IL1RAPL2: variants seen among roughly 807,000 people sequenced by gnomAD.
The protein encoded by IL1RAPL2 is interleukin 1 receptor accessory protein like 2, also known as X-linked interleukin-1 receptor accessory protein-like 2.
Under a neutral mutation model 44.1 loss-of-function variants are expected in IL1RAPL2, and 3 were observed. The observed-to-expected ratio is 0.07, with a 90% CI of 0.03 to 0.18. IL1RAPL2 has a LOEUF of 0.18. IL1RAPL2 is among the 10% of genes least tolerant of loss of function. The pLI, the probability that IL1RAPL2 is intolerant of heterozygous loss-of-function variation, is 1.00. For synonymous variants in IL1RAPL2, 181 were observed against 178.8 expected, an observed-to-expected ratio of 1.01 and a Z score of -0.10; for missense variants, 391 against 496.4, an observed-to-expected ratio of 0.79 and a Z score of 2.02.
chrX:105,604,484 CA>C (rs1325253652), intron 6 of IL1RAPL2, among the ~76,000 whole-genome samples: 1 of 107,754 alleles, frequency 9.3e-6, no homozygotes, highest in African/African-American at 3.4e-5. Context: ...CAATAAAGAG[CA>C]AAAAGACCAA....
At chrX:105,268,382 G>C (rs1166902492) in intron 5 of IL1RAPL2, among the ~76,000 whole-genome samples, 1 of 111,498 alleles carries the variant, frequency 9.0e-6, no homozygotes, top group Non-Finnish European at 1.9e-5. Flanking sequence ...GGGGAATAAG[G>C]AGTGTAGGTC....
intron 2 of IL1RAPL2, among the ~76,000 whole-genome samples, chrX:104,668,658 A>G (rs1248780183): frequency 9.6e-6 from 1 of 104,594 alleles, no homozygotes; most frequent in Non-Finnish European, 2.0e-5. Context: ...GCTTATTTGT[A>G]TCTTCAGCTT....
chrX:104,632,077 A>T (rs1220520500), intron 1 of IL1RAPL2, among the ~76,000 whole-genome samples: 1 of 111,652 alleles, frequency 9.0e-6, no homozygotes, highest in East Asian at 2.8e-4. Context: ...CAGTTTTCCC[A>T]GCACCATTTA....
At chrX:104,633,138 T>C (rs1929694713) in intron 1 of IL1RAPL2, among the ~76,000 whole-genome samples, 1 of 111,824 alleles carries the variant, frequency 8.9e-6, no homozygotes, top group African/African-American at 3.3e-5. Flanking sequence ...TATGCTGGAT[T>C]ATGTTTATTG....
At chrX:104,895,369 C>A (rs1923610441) in intron 2 of IL1RAPL2, among the ~76,000 whole-genome samples, 1 of 112,823 alleles carries the variant, frequency 8.9e-6, no homozygotes, top group African/African-American at 3.2e-5. Context: ...TTCGGCTATG[C>A]CCTGCCCCCA....
At chrX:105,763,497 A>AAACTT (rs760121343) in intron 10 of IL1RAPL2, among the ~76,000 whole-genome samples, 10 of 111,984 alleles carry the variant, frequency 8.9e-5, no homozygotes, top group Non-Finnish European at 1.7e-4. Context: ...CAACAAAAGA[A>AAACTT]AACTTAAGAA....
chrX:105,740,558 G>A lies in IL1RAPL2; in HGVS notation c.915G>A (p.Glu305=). ...GTCTTTATTTCAGGCTTCTCAAAGA[G>A]CATCTTGGAGAAAAAGAAGTTGAAT... is the stretch of plus-strand genomic sequence containing the variant. ...IREGEIRLLK[E]HLGEKEVELA... The change falls in exon 8 of 11, where the codon GAG becomes GAA. Residue 305 remains glutamate, a synonymous_variant. Coordinates refer to ENST00000372582, the MANE Select transcript of IL1RAPL2 (RefSeq NM_017416.2). 1 of 1,208,642 alleles carries A rather than the reference G, an allele frequency of 8.3e-7. No individual in the cohort carries two copies. The highest frequency in any genetic ancestry group is 1.1e-6 in the Non-Finnish European group (1 of 893,542).
At chrX:104,953,832 T>C (rs1471593471) in intron 2 of IL1RAPL2, among the ~76,000 whole-genome samples, 1 of 111,963 alleles carries the variant, frequency 8.9e-6, no homozygotes, top group African/African-American at 3.2e-5. Flanking sequence ...CTGGCACATC[T>C]AATATATATT....
intron 6 of IL1RAPL2, among the ~76,000 whole-genome samples, chrX:105,668,473 T>C (rs2037789656): frequency 8.9e-6 from 1 of 112,527 alleles, no homozygotes; most frequent in African/African-American, 3.2e-5. Context: ...ATGTTGACAA[T>C]CTCTATGACC....
At chrX:105,736,990 A>G (rs113224206) in intron 7 of IL1RAPL2, among the ~76,000 whole-genome samples, 5,125 of 111,716 alleles carry the variant, frequency 0.046, 304 homozygotes, top group African/African-American at 0.16. Context: ...AATGCCCATC[A>G]GTGGTAGACT....
intron 1 of IL1RAPL2, among the ~76,000 whole-genome samples, chrX:104,643,716 T>A (rs778061236): frequency 9.0e-6 from 1 of 111,390 alleles, no homozygotes; most frequent in Non-Finnish European, 1.9e-5. Flanking sequence ...ACTTGCACTT[T>A]TCTTTTGCCT....
intron 5 of IL1RAPL2, among the ~76,000 whole-genome samples, chrX:105,403,518 T>C (rs960355838): frequency 8.9e-6 from 1 of 111,815 alleles, no homozygotes; most frequent in Non-Finnish European, 1.9e-5. Context: ...TGGTTGCAGA[T>C]GCTCATGATT....
At chrX:105,355,993 C>G (rs746811670) in intron 5 of IL1RAPL2, among the ~76,000 whole-genome samples, 11 of 111,300 alleles carry the variant, frequency 9.9e-5, no homozygotes, top group Admixed American at 1.9e-4. Context: ...CCCCCCACCA[C>G]CGTAAAATAC....
At position 104,673,673 on chromosome X, in the gene IL1RAPL2, G is replaced by A. The variant is rs771827490; in HGVS notation, c.82+14678G>A. Among the ~76,000 whole-genome samples, 719 of 110,684 alleles carry A rather than the reference G, an allele frequency of 6.5e-3. 15 individuals carry two copies. The highest frequency in any genetic ancestry group is 0.022 in the African/African-American group (679 of 30,270). On this transcript the variant is annotated intron_variant, in intron 2 of 10. Coordinates refer to ENST00000372582, the MANE Select transcript of IL1RAPL2 (RefSeq NM_017416.2). ...GCTTGATGGGGATGGTATTGAATCT[G>A]TAAATTACCTTGGGCAGTATGGCCA... is the stretch of plus-strand genomic sequence containing the variant.
intron 5 of IL1RAPL2, among the ~76,000 whole-genome samples, chrX:105,281,144 AC>A (rs1388898901): frequency 9.0e-6 from 1 of 111,527 alleles, no homozygotes; most frequent in East Asian, 2.8e-4. Flanking sequence ...GAAGCTGGAA[AC>A]CATCATTCTC....
At position 105,097,710 on chromosome X, in the gene IL1RAPL2, A is replaced by G. The variant is rs769952535; in HGVS notation, c.83-97765A>G. Among the ~76,000 whole-genome samples, 10 of 111,475 alleles carry G rather than the reference A, an allele frequency of 9.0e-5. No individual in the cohort carries two copies. In the East Asian group the frequency reaches 2.8e-3, roughly 32 times the overall value. On this transcript the variant is annotated intron_variant, in intron 2 of 10. Transcript: ENST00000372582. ...TGTGGCAGTAATTAACTGTAATTGA[A>G]AAATATCCCATTTTTTATGGTTCTC...
At chrX:105,314,801 G>A (rs757147961) in intron 5 of IL1RAPL2, among the ~76,000 whole-genome samples, 1 of 111,368 alleles carries the variant, frequency 9.0e-6, no homozygotes, top group East Asian at 2.8e-4. Context: ...TGAGATGGGA[G>A]GGCATGAAAG....
intron 2 of IL1RAPL2, among the ~76,000 whole-genome samples, chrX:104,702,481 C>T (rs1931293190): frequency 8.9e-6 from 1 of 112,171 alleles, no homozygotes; most frequent in Non-Finnish European, 1.9e-5. Context: ...CAAAATCCCT[C>T]TCTGTTTGAT....
chrX:104,806,277 G>T (rs1195434136), intron 2 of IL1RAPL2, among the ~76,000 whole-genome samples: 1 of 112,350 alleles, frequency 8.9e-6, no homozygotes, highest in Non-Finnish European at 1.9e-5. Context: ...TTTCTCTGAA[G>T]CAGGTGCCCT....
Sources: gnomAD v4.1 joint callset for allele counts (sites outside exome capture counted in the v4.1 genomes callset) on GRCh38, gnomAD v4.1.1 for gene constraint, MANE v1.5 for transcripts, NCBI Gene and HGNC (gene_info 2026-07-23, HGNC 2026-07-21) for gene names.